The following DAB2IP variants were observed in gnomAD, a reference collection of about 807,000 sequenced individuals.
DAB2IP encodes the protein disabled homolog 2-interacting protein.
In DAB2IP, 28 loss-of-function variants were observed where a neutral mutation model predicts 107.2. That is an observed-to-expected ratio of 0.26 (90% CI 0.19 to 0.36). The LOEUF (loss-of-function observed/expected upper bound fraction) is 0.36. Ranked by LOEUF, DAB2IP falls within the 10% of genes least tolerant of loss-of-function variation. The pLI is 1.00. For missense variants in DAB2IP, 1,400 were observed against 1,644.7 expected, an observed-to-expected ratio of 0.85 and a Z score of 2.57; for synonymous variants, 755 against 706.4, an observed-to-expected ratio of 1.07 and a Z score of -1.09.
At chr9:121,667,058 T>C (rs1833471920) in intron 1 of DAB2IP, among the ~76,000 whole-genome samples, 1 of 152,220 alleles carries the variant, frequency 6.6e-6, no homozygotes, top group African/African-American at 2.4e-5. Context: ...TCACCCAGGC[T>C]GGAGTGCAGT....
chr9:121,605,508 GT>G (rs1249553455), intron 1 of DAB2IP, among the ~76,000 whole-genome samples: 4 of 150,880 alleles, frequency 2.7e-5, no homozygotes, highest in African/African-American at 7.3e-5. Context: ...ATTATTGTTG[GT>G]TTTTTTTGAG....
intron 11 of DAB2IP, among the ~76,000 whole-genome samples, chr9:121,770,955 T>C (rs763470293): frequency 6.7e-6 from 1 of 148,640 alleles, no homozygotes; most frequent in South Asian, 2.1e-4. Context: ...AAAAGTAGCA[T>C]TTCCATTGGT....
intron 3 of DAB2IP, among the ~76,000 whole-genome samples, chr9:121,740,657 G>A (rs1017871523): frequency 6.6e-6 from 1 of 152,192 alleles, no homozygotes. Flanking sequence ...AGAATGCATC[G>A]GCTTGAGGGT....
chr9:121,641,918 TTTCTTTCTTTC>T (rs1832313914), intron 1 of DAB2IP, among the ~76,000 whole-genome samples: 1 of 146,966 alleles, frequency 6.8e-6, no homozygotes, highest in East Asian at 2.0e-4. Context: ...TCTTTCTTTC[TTTCTTTCTTTC>T]TTTCTTTCTC....
At chr9:121,759,754 G>T (rs775855751) in intron 5 of DAB2IP, 131 bp from the exon 6 acceptor site, 135 of 759,822 alleles carry the variant, frequency 1.8e-4, no homozygotes, top group Non-Finnish European at 2.6e-4. Context: ...CTGACTTAGG[G>T]CCTAGGCGCC....
At chr9:121,728,257 T>C (rs1290721197) in intron 3 of DAB2IP, among the ~76,000 whole-genome samples, 2 of 152,176 alleles carry the variant, frequency 1.3e-5, no homozygotes, top group Non-Finnish European at 2.9e-5. Flanking sequence ...CAGGTCAGTC[T>C]GTTGATGCCC....
chr9:121,770,689 G>A, exon 11 of DAB2IP: 2 of 1,614,190 alleles, frequency 1.2e-6, no homozygotes, highest in African/African-American at 1.3e-5. Flanking sequence ...TCTCAGCTGG[G>A]CTGCAGAAGA....
rs1833813392 is a variant in DAB2IP at position 121,760,539 on chromosome 9, G to A, written c.1170+100G>A. On this transcript the variant is annotated intron_variant, in intron 6 of 15. Transcript: ENST00000408936. The surrounding 1 kb of genome is among the most constrained non-coding windows in gnomAD (Gnocchi z 5.9). ...ACATTTCAGGCCTAACAGAGGCCTT[G>A]GAGGCACCGGTCACTACCAGAAGGG... The A allele has an allele frequency of 5.1e-6, 7 of 1,373,034 alleles. No individual in the cohort carries two copies. The highest frequency in any genetic ancestry group is 5.8e-6 in the Non-Finnish European group (6 of 1,039,928). The allele number at this position is 1,373,034 out of a possible 1,614,324, so 85.1% of individuals were successfully genotyped here. A position where few individuals can be genotyped will look rare whatever the true frequency, so the allele number is the denominator to read the frequency against.
chr9:121,774,294 G>C (rs1211930144), exon 13 of DAB2IP: 6 of 1,612,930 alleles, frequency 3.7e-6, no homozygotes, highest in Non-Finnish European at 5.1e-6. Context: ...GCCCTGGACC[G>C]CACAGCCGCT....
intron 2 of DAB2IP, among the ~76,000 whole-genome samples, chr9:121,685,254 G>A (rs994457441): frequency 6.6e-6 from 1 of 152,188 alleles, no homozygotes; most frequent in South Asian, 2.1e-4. Context: ...TGCCTTCCGC[G>A]GGGGGCATCC....
chr9:121,719,195 T>A (rs1344070878), intron 3 of DAB2IP, among the ~76,000 whole-genome samples: 2 of 152,142 alleles, frequency 1.3e-5, no homozygotes, highest in Non-Finnish European at 2.9e-5. Context: ...GTCATAGTGA[T>A]CCCTTTACAG....
intron 1 of DAB2IP, among the ~76,000 whole-genome samples, chr9:121,568,371 G>C (rs1220923166): frequency 6.6e-6 from 1 of 152,216 alleles, no homozygotes; most frequent in Non-Finnish European, 1.5e-5. Context: ...CGGGGGGTCA[G>C]TTGATGCATG....
intron 2 of DAB2IP, among the ~76,000 whole-genome samples, chr9:121,695,427 C>A (rs1244075590): frequency 6.6e-6 from 1 of 152,196 alleles, no homozygotes; most frequent in Non-Finnish European, 1.5e-5. Flanking sequence ...CTCATTTCAT[C>A]CTTCCCAGGT....
chr9:121,637,616 G>A (rs1380812373), intron 1 of DAB2IP, among the ~76,000 whole-genome samples: 2 of 152,188 alleles, frequency 1.3e-5, no homozygotes, highest in African/African-American at 4.8e-5. Context: ...GTTAGCCCCT[G>A]AGTAGGAGGC....
chr9:121,643,014 C>T (rs967319352), intron 1 of DAB2IP, among the ~76,000 whole-genome samples: 3 of 150,858 alleles, frequency 2.0e-5, no homozygotes, highest in African/African-American at 7.3e-5. Flanking sequence ...TGCAAACGCC[C>T]TGAGGTGGGA....
chr9:121,614,477 A>G (rs896589352), intron 1 of DAB2IP, among the ~76,000 whole-genome samples: 1 of 148,970 alleles, frequency 6.7e-6, no homozygotes, highest in African/African-American at 2.5e-5. Context: ...AGTAGCTGGG[A>G]TTACAGGCAT....
intron 3 of DAB2IP, among the ~76,000 whole-genome samples, chr9:121,729,495 C>T (rs1831403842): frequency 6.6e-6 from 1 of 152,204 alleles, no homozygotes; most frequent in South Asian, 2.1e-4. Context: ...GCAGCAGCTC[C>T]TCCATGTTCT....
At chr9:121,714,948 C>T (rs1195263646) in intron 3 of DAB2IP, among the ~76,000 whole-genome samples, 1 of 152,238 alleles carries the variant, frequency 6.6e-6, no homozygotes. Context: ...ATGGCCTTAA[C>T]CCTCCAGCCA....
At chr9:121,752,900 G>C (rs1283845117) in intron 3 of DAB2IP, 1 of 152,252 alleles carries the variant, frequency 6.6e-6, no homozygotes, top group African/African-American at 2.4e-5. Flanking sequence ...TTTTTCAGAT[G>C]AGGAAATGGA....
Sources: gnomAD v4.1 joint callset for allele counts (sites outside exome capture counted in the v4.1 genomes callset) on GRCh38, gnomAD v4.1.1 for gene constraint, Gnocchi (gnomAD v3.1) non-coding constraint, MANE v1.5 for transcripts, NCBI Gene and HGNC (gene_info 2026-07-23, HGNC 2026-07-21) for gene names.